ARHGAP15: variants seen among roughly 807,000 people sequenced by gnomAD.
ARHGAP15 encodes the protein Rho GTPase activating protein 15.
Under a neutral mutation model 63.7 loss-of-function variants are expected in ARHGAP15, and 51 were observed. The observed-to-expected ratio is 0.80, with a 90% CI of 0.64 to 1.01. The LOEUF (loss-of-function observed/expected upper bound fraction) is 1.01. Among genes scored for constraint, ARHGAP15 ranks in the 50% least tolerant of loss-of-function variants. The probability of loss-of-function intolerance (pLI) is 0.00; values close to 1 mark genes in which losing one functional copy is unlikely to be tolerated. For missense variants in ARHGAP15, 560 were observed against 564.6 expected (o/e 0.99, Z 0.08); for synonymous variants, 191 against 193.8 (o/e 0.99, Z 0.12).
intron 8 of ARHGAP15, among the ~76,000 whole-genome samples, chr2:143,456,581 T>A (rs1690665135): frequency 6.6e-6 from 1 of 150,556 alleles, no homozygotes; most frequent in Non-Finnish European, 1.5e-5. Flanking sequence ...CACCATGAGC[T>A]GTTCTAAGCA....
At chr2:143,272,804 T>C (rs1485245408) in intron 6 of ARHGAP15, among the ~76,000 whole-genome samples, 5 of 152,224 alleles carry the variant, frequency 3.3e-5, no homozygotes, top group Non-Finnish European at 7.3e-5. Context: ...CCTCTTTTGT[T>C]TTCATGTGGT....
intron 13 of ARHGAP15, among the ~76,000 whole-genome samples, chr2:143,713,921 G>A (rs986312010): frequency 1.1e-4 from 16 of 152,166 alleles, no homozygotes; most frequent in African/African-American, 3.6e-4. Flanking sequence ...GGCTGGCATC[G>A]AGTGTCTGCA....
chr2:143,384,846 T>G (rs1278832548), intron 6 of ARHGAP15, among the ~76,000 whole-genome samples: 1 of 152,176 alleles, frequency 6.6e-6, no homozygotes, highest in East Asian at 1.9e-4. Flanking sequence ...TACCTTACCT[T>G]ACCCCATTAT....
At chr2:143,642,755 T>C (rs1050359211) in intron 12 of ARHGAP15, among the ~76,000 whole-genome samples, 2 of 152,104 alleles carry the variant, frequency 1.3e-5, no homozygotes, top group African/African-American at 4.8e-5. Context: ...TTGGGAGGCC[T>C]TCATGAAGGA....
intron 13 of ARHGAP15, among the ~76,000 whole-genome samples, chr2:143,751,834 G>C (rs531633836): frequency 1.3e-4 from 20 of 152,204 alleles, no homozygotes; most frequent in African/African-American, 4.8e-4. Context: ...CTGTCCCCCT[G>C]GTGTAACAGC....
intron 6 of ARHGAP15, among the ~76,000 whole-genome samples, chr2:143,398,062 C>T (rs961505467): frequency 6.6e-5 from 10 of 152,034 alleles, no homozygotes; most frequent in Non-Finnish European, 1.5e-4. Context: ...GTACAAAAGT[C>T]CCATAACTAT....
intron 6 of ARHGAP15, among the ~76,000 whole-genome samples, chr2:143,373,489 G>A (rs968716047): frequency 6.6e-6 from 1 of 151,952 alleles, no homozygotes; most frequent in South Asian, 2.1e-4. Context: ...AATTAGCTGG[G>A]AGTGGTGGAG....
chr2:143,288,211 G>C (rs369386068), intron 6 of ARHGAP15, among the ~76,000 whole-genome samples: 30 of 152,278 alleles, frequency 2.0e-4, no homozygotes, highest in African/African-American at 7.0e-4. Context: ...CACAGGGAGA[G>C]TGTCACTCAT....
At chr2:143,162,024 C>A (rs1282411703) in intron 2 of ARHGAP15, 1 of 151,884 alleles carries the variant, frequency 6.6e-6, no homozygotes, top group Non-Finnish European at 1.5e-5. Flanking sequence ...GGATAGTTTA[C>A]AAATCTAGAG....
chr2:143,563,301 T>C (rs1355886024), intron 11 of ARHGAP15, among the ~76,000 whole-genome samples: 1 of 152,228 alleles, frequency 6.6e-6, no homozygotes, highest in Non-Finnish European at 1.5e-5. Flanking sequence ...TTCTTGGTAA[T>C]AGCATGATAC....
intron 12 of ARHGAP15, among the ~76,000 whole-genome samples, chr2:143,645,851 A>C (rs754653275): frequency 5.9e-5 from 9 of 152,090 alleles, no homozygotes; most frequent in Middle Eastern, 3.2e-3. Flanking sequence ...TTTCAAATAC[A>C]TAATCTCTCT....
At position 143,202,143 on chromosome 2, in the gene ARHGAP15, C is replaced by T. The variant is rs1469222246; in HGVS notation, c.175C>T (p.His59Tyr). 2.5e-6 allele frequency: 4 copies of T among 1,611,506 alleles called. No homozygotes were observed. The highest frequency in any genetic ancestry group is 3.4e-6 in the Non-Finnish European group (4 of 1,178,092). The change falls in exon 3 of 14, where the codon CAC becomes TAC. Residue 59 changes from histidine (H) to tyrosine (Y), a missense_variant. Transcript: ENST00000295095. The part of the protein sequence containing the change: ...VGKVTEPISR[H>Y]RRNHSQHILK... ...GTCAATATATTTGCAGATATCCAGA[C>T]ACAGAAGGAATCATTCACAGCATAT...
chr2:143,504,722 T>C (rs1326827124), intron 9 of ARHGAP15, among the ~76,000 whole-genome samples: 1 of 152,170 alleles, frequency 6.6e-6, no homozygotes, highest in African/African-American at 2.4e-5. Flanking sequence ...TCCTCTCTCA[T>C]TTCTTTCTCT....
At chr2:143,554,308 G>A (rs184633234) in intron 10 of ARHGAP15, among the ~76,000 whole-genome samples, 1 of 152,086 alleles carries the variant, frequency 6.6e-6, no homozygotes, top group Non-Finnish European at 1.5e-5. Context: ...AACTTTGTTT[G>A]TTTGTGGTGG....
chr2:143,336,410 T>C (rs1684777802), intron 6 of ARHGAP15, among the ~76,000 whole-genome samples: 1 of 152,134 alleles, frequency 6.6e-6, no homozygotes, highest in Admixed American at 6.6e-5. Context: ...TAGAAATAGT[T>C]TGGGGAGTTG....
In ARHGAP15 at chr2:143,228,603, A is replaced by G. The variant is rs758921132; in HGVS notation, c.319A>G (p.Ile107Val). Residue 107 changes from isoleucine to valine, a missense_variant, in exon 5 of 14, where the codon ATT (isoleucine) becomes GTT (valine). Ile to Val is a conservative substitution (Grantham distance 29, BLOSUM62 3). Transcript: ENST00000295095. ...KLRKNWSTSW[I>V]VLSSRRIEFY... The stretch of plus-strand genomic sequence containing the variant: ...AAGGAAAAACTGGTCTACTTCCTGG[A>G]TTGTTCTTTCTAGTCGAAGAATTGA... 6.2e-7 allele frequency: 1 copy of G among 1,608,558 alleles called. No individual in the cohort carries two copies. The highest frequency in any genetic ancestry group is 2.2e-5 in the East Asian group (1 of 44,484).
intron 10 of ARHGAP15, among the ~76,000 whole-genome samples, chr2:143,551,354 T>C (rs1251681834): frequency 6.6e-6 from 1 of 151,970 alleles, no homozygotes; most frequent in Non-Finnish European, 1.5e-5. Context: ...TAGGTTTCAC[T>C]ATGTTGCCCA....
At chr2:143,531,178 C>T (rs371673820) in intron 10 of ARHGAP15, among the ~76,000 whole-genome samples, 3 of 151,808 alleles carry the variant, frequency 2.0e-5, no homozygotes, top group East Asian at 3.9e-4. Flanking sequence ...TAACTGAGGA[C>T]ATTTTACCAA....
At chr2:143,725,434 T>G (rs1021548155) in intron 13 of ARHGAP15, among the ~76,000 whole-genome samples, 1 of 152,274 alleles carries the variant, frequency 6.6e-6, no homozygotes, top group African/African-American at 2.4e-5. Flanking sequence ...TACTCTGCTC[T>G]TTTAATTCAT....
Sources: allele counts gnomAD v4.1 joint callset (sites outside exome capture counted in the v4.1 genomes callset), GRCh38; gene constraint gnomAD v4.1.1; transcripts MANE v1.5; gene names NCBI Gene and HGNC (gene_info 2026-07-23, HGNC 2026-07-21).